The following USP48 variants were observed in gnomAD, a reference collection of about 807,000 sequenced individuals.
The protein encoded by USP48 is ubiquitin specific peptidase 48, also known as ubiquitin carboxyl-terminal hydrolase 48.
USP48 carries 43 observed loss-of-function variants against 150.7 expected under a neutral mutation model. The ratio of observed to expected loss-of-function variants is 0.29; its 90% CI spans 0.22 to 0.37. The LOEUF (loss-of-function observed/expected upper bound fraction) is 0.37, where lower values mean the gene tolerates loss of function less well. Among genes scored for constraint, USP48 ranks in the 10% least tolerant of loss-of-function variants. The pLI, the probability that USP48 is intolerant of heterozygous loss-of-function variation, is 1.00. For synonymous variants in USP48, 396 were observed against 425.9 expected (o/e 0.93, Z 0.86); for missense variants, 813 against 1,249.6 (o/e 0.65, Z 5.27).
chr1:21,702,812 C>A (rs960095124), intron 21 of USP48, among the ~76,000 whole-genome samples: 1 of 152,172 alleles, frequency 6.6e-6, no homozygotes, highest in African/African-American at 2.4e-5. Context: ...AAACTAAATT[C>A]CTCAGTCACG....
chr1:21,747,937 T>C (rs1397851920), intron 7 of USP48, among the ~76,000 whole-genome samples: 1 of 152,242 alleles, frequency 6.6e-6, no homozygotes, highest in Non-Finnish European at 1.5e-5. Context: ...CTAGTTATCA[T>C]TTATATATGG....
chr1:21,754,742 G>T (rs2097827057), intron 3 of USP48, among the ~76,000 whole-genome samples: 1 of 152,124 alleles, frequency 6.6e-6, no homozygotes, highest in Non-Finnish European at 1.5e-5. Context: ...ACAGTACAGT[G>T]CCTCCAGTGA....
At chr1:21,710,528 ATATATAATATCTGTATTATAAAGCTTGT>A in intron 15 of USP48, among the ~76,000 whole-genome samples, 1 of 152,334 alleles carries the variant, frequency 6.6e-6, no homozygotes, top group East Asian at 1.9e-4. Flanking sequence ...AAAGCTTGAT[ATATATAATATCTGTATTATAAAGCTTGT>A]TATATAATAT....
chr1:21,709,604 C>T (rs913155402), intron 15 of USP48, among the ~76,000 whole-genome samples: 1 of 150,666 alleles, frequency 6.6e-6, no homozygotes, highest in Admixed American at 6.6e-5. Flanking sequence ...AAAAAGAGAG[C>T]TTCTTTGTGT....
rs2152667865 is a variant in USP48, at chr1:21,782,949, C to T, written c.9G>A (p.Pro3=). 5.8e-6 allele frequency: 9 copies of T among 1,544,622 alleles called. No homozygotes were observed. Among genetic ancestry groups the T allele is most frequent in the Non-Finnish European group, 7.8e-6 (9 of 1,147,596 alleles). The change falls in exon 1 of 27, where the codon CCG becomes CCA. Residue 3 remains proline (P), a synonymous_variant. Transcript: ENST00000308271. ...AGGCCGCCTTCTCCAGCTGCAGCCG[C>T]GGGGCCATGGCCTTGGCCCCAGGAA... MA[P]RLQLEKAAWR...
At chr1:21,690,487 A>G (rs1035704345) in intron 23 of USP48, among the ~76,000 whole-genome samples, 3 of 151,946 alleles carry the variant, frequency 2.0e-5, no homozygotes, top group Non-Finnish European at 4.4e-5. Context: ...CCTTTCATCA[A>G]CAAGTCAAGT....
At chr1:21,777,660 C>A (rs894464748) in intron 1 of USP48, among the ~76,000 whole-genome samples, 1 of 151,890 alleles carries the variant, frequency 6.6e-6, no homozygotes, top group African/African-American at 2.4e-5. Context: ...AAGCAAGAAC[C>A]CTGCTTCACT....
chr1:21,733,181 C>T (rs1332563092), intron 9 of USP48, among the ~76,000 whole-genome samples: 6 of 151,956 alleles, frequency 3.9e-5, no homozygotes, highest in Middle Eastern at 3.2e-3. Context: ...TTTGGGAGGC[C>T]GAGGCAGGCG....
At chr1:21,692,734 A>G (rs949182095) in intron 23 of USP48, among the ~76,000 whole-genome samples, 8 of 152,170 alleles carry the variant, frequency 5.3e-5, no homozygotes, top group African/African-American at 1.7e-4. Flanking sequence ...TGAGGATGGT[A>G]GCAGAAGGTA....
chr1:21,726,309 C>A (rs149123615), intron 11 of USP48, among the ~76,000 whole-genome samples: 1 of 152,252 alleles, frequency 6.6e-6, no homozygotes, highest in African/African-American at 2.4e-5. Flanking sequence ...AAAGGCAAGA[C>A]AACATTTTCC....
chr1:21,739,824 C>T (rs543470815), intron 8 of USP48, among the ~76,000 whole-genome samples: 1 of 152,338 alleles, frequency 6.6e-6, no homozygotes, highest in Non-Finnish European at 1.5e-5. Context: ...CACCTCCACT[C>T]CCTGGGTTCT....
intron 22 of USP48, among the ~76,000 whole-genome samples, chr1:21,699,323 C>A (rs902219738): frequency 2.9e-5 from 4 of 139,046 alleles, no homozygotes; most frequent in African/African-American, 1.1e-4. Context: ...CTCAGCCTCT[C>A]GAGTAGCTGG....
At chr1:21,752,076 G>A (rs570797059) in intron 5 of USP48, among the ~76,000 whole-genome samples, 9 of 151,556 alleles carry the variant, frequency 5.9e-5, no homozygotes, top group African/African-American at 2.2e-4. Flanking sequence ...CTAAACATTC[G>A]TTGGGAAACT....
At chr1:21,750,675 C>G (rs947975907) in intron 6 of USP48, among the ~76,000 whole-genome samples, 3 of 151,978 alleles carry the variant, frequency 2.0e-5, no homozygotes, top group Admixed American at 6.6e-5. Context: ...GAGTTTGAGA[C>G]CAGCCTGACC....
chr1:21,701,365 CAAAA>C (rs35780642), intron 22 of USP48, 129 bp downstream of exon 22: 504 of 408,182 alleles, frequency 1.2e-3, no homozygotes, highest in East Asian at 2.4e-3. Flanking sequence ...GACTCCATCT[CAAAA>C]AAAAAAAAAA....
chr1:21,716,195 G>A (rs1345721392), intron 14 of USP48, among the ~76,000 whole-genome samples: 1 of 151,840 alleles, frequency 6.6e-6, no homozygotes, highest in African/African-American at 2.4e-5. Flanking sequence ...TACTTCCACC[G>A]TTCCACTTAA....
chr1:21,695,880 TA>T (rs201617020), intron 22 of USP48, among the ~76,000 whole-genome samples: 18 of 151,496 alleles, frequency 1.2e-4, no homozygotes, highest in African/African-American at 3.9e-4. Context: ...GGAACATTAA[TA>T]AAAAAAAATC....
At chr1:21,719,128 G>C (rs1037165864) in intron 14 of USP48, among the ~76,000 whole-genome samples, 2 of 150,086 alleles carry the variant, frequency 1.3e-5, no homozygotes, top group Non-Finnish European at 3.0e-5. Flanking sequence ...AGCCGGGCAT[G>C]GTGGCACATG....
chr1:21,752,407 T>C, intron 5 of USP48, 120 bp downstream of exon 5: 1 of 1,189,304 alleles, frequency 8.4e-7, no homozygotes. Flanking sequence ...TTACTATAAA[T>C]ATTTCAGGTC....
Sources: gnomAD v4.1 joint callset for allele counts (sites outside exome capture counted in the v4.1 genomes callset) on GRCh38, gnomAD v4.1.1 for gene constraint, MANE v1.5 for transcripts, NCBI Gene and HGNC (gene_info 2026-07-23, HGNC 2026-07-21) for gene names.